GRID2: variants seen among roughly 807,000 people sequenced by gnomAD.
GRID2 encodes glutamate ionotropic receptor delta type subunit 2.
GRID2 carries 33 observed loss-of-function variants against 114.8 expected under a neutral mutation model. The observed-to-expected ratio is 0.29, with a 90% confidence interval of 0.22 to 0.38. The LOEUF (loss-of-function observed/expected upper bound fraction) is 0.38, where lower values mean the gene tolerates loss of function less well. Ranked by LOEUF, GRID2 falls within the 10% of genes least tolerant of loss-of-function variation. The pLI is 1.00. For synonymous variants in GRID2, 505 were observed against 449.9 expected (o/e 1.12, Z -1.55); for missense variants, 1,184 against 1,257.7 (o/e 0.94, Z 0.89).
chr4:93,401,102 G>T (rs1041618810), intron 9 of GRID2, among the ~76,000 whole-genome samples: 3 of 152,196 alleles, frequency 2.0e-5, no homozygotes, highest in South Asian at 2.1e-4. Flanking sequence ...TTACAGGTAT[G>T]AGCCACCGCA....
chr4:92,382,180 G>T (rs1211086344), intron 1 of GRID2, among the ~76,000 whole-genome samples: 2 of 151,396 alleles, frequency 1.3e-5, no homozygotes, highest in Non-Finnish European at 1.5e-5. Flanking sequence ...TGACTGTATT[G>T]AGCCCATAAA....
chr4:93,015,341 A>G (rs1237061968), intron 2 of GRID2, among the ~76,000 whole-genome samples: 1 of 152,166 alleles, frequency 6.6e-6, no homozygotes, highest in African/African-American at 2.4e-5. Context: ...GGAAGCTACT[A>G]TACAGCAAGG....
At chr4:93,307,906 CAAAT>C (rs1755602583) in intron 8 of GRID2, among the ~76,000 whole-genome samples, 1 of 151,028 alleles carries the variant, frequency 6.6e-6, no homozygotes, top group African/African-American at 2.5e-5. Flanking sequence ...TTTACAAACA[CAAAT>C]ACATACCTAT....
intron 2 of GRID2, among the ~76,000 whole-genome samples, chr4:92,713,868 A>T (rs1735401860): frequency 6.6e-6 from 1 of 151,984 alleles, no homozygotes; most frequent in African/African-American, 2.4e-5. Context: ...TGGGAGTTAC[A>T]ATTCAAGATG....
intron 2 of GRID2, among the ~76,000 whole-genome samples, chr4:93,056,488 A>G (rs1727258978): frequency 6.6e-6 from 1 of 151,974 alleles, no homozygotes; most frequent in Non-Finnish European, 1.5e-5. Context: ...TAAATGAAAG[A>G]GTAGCATATC....
At chr4:92,387,199 A>T (rs1459825631) in intron 1 of GRID2, among the ~76,000 whole-genome samples, 1 of 151,960 alleles carries the variant, frequency 6.6e-6, no homozygotes, top group Non-Finnish European at 1.5e-5. Context: ...TTTTAAGAAC[A>T]TCTTAACTCT....
At chr4:93,745,805 A>G (rs1161723869) in intron 14 of GRID2, among the ~76,000 whole-genome samples, 1 of 152,312 alleles carries the variant, frequency 6.6e-6, no homozygotes, top group East Asian at 1.9e-4. Context: ...TAGCTATGGC[A>G]TATTTTATTT....
chr4:93,490,796 C>T lies in GRID2; in HGVS notation c.1997+19C>T, dbSNP rs1373007360. ...CCATCCAGTAAGTAAACAATGTTTC[C>T]ATTAGCCACAAAATATGAGAAATGA... On this transcript the variant is annotated intron_variant, in intron 12 of 15. Coordinates refer to ENST00000282020, the MANE Select transcript of GRID2 (RefSeq NM_001510.4). 2.6e-6 allele frequency: 4 copies of T among 1,565,650 alleles called. No homozygotes were observed. Among genetic ancestry groups the T allele is most frequent in the Non-Finnish European group, 3.5e-6 (4 of 1,139,450 alleles).
At chr4:92,908,605 T>A (rs1259417815) in intron 2 of GRID2, among the ~76,000 whole-genome samples, 12 of 141,716 alleles carry the variant, frequency 8.5e-5, no homozygotes, top group African/African-American at 3.1e-4. Flanking sequence ...ACAAAAAATA[T>A]GAAAAAAAAG....
At chr4:93,690,860 AAT>A (rs1043558945) in intron 14 of GRID2, among the ~76,000 whole-genome samples, 27 of 149,440 alleles carry the variant, frequency 1.8e-4, no homozygotes, top group African/African-American at 5.1e-4. Flanking sequence ...TTTTATATAT[AAT>A]ATGTTATAAC....
At chr4:93,017,388 G>A (rs1365344677) in intron 2 of GRID2, among the ~76,000 whole-genome samples, 1 of 152,084 alleles carries the variant, frequency 6.6e-6, no homozygotes, top group Non-Finnish European at 1.5e-5. Flanking sequence ...CTATATTTAA[G>A]TATGAAATTT....
chr4:92,576,180 G>C (rs1727884762), intron 1 of GRID2, among the ~76,000 whole-genome samples: 1 of 152,214 alleles, frequency 6.6e-6, no homozygotes, highest in Non-Finnish European at 1.5e-5. Flanking sequence ...CCAGCTGGGA[G>C]GTCCCATCCA....
intron 13 of GRID2, among the ~76,000 whole-genome samples, chr4:93,619,616 C>T (rs1229306828): frequency 1.3e-5 from 2 of 152,172 alleles, no homozygotes; most frequent in African/African-American, 4.8e-5. Context: ...TTTTAATTTT[C>T]AAAAGCTCTG....
chr4:93,659,321 T>G (rs1239622687), intron 14 of GRID2, among the ~76,000 whole-genome samples: 1 of 152,202 alleles, frequency 6.6e-6, no homozygotes, highest in Non-Finnish European at 1.5e-5. Context: ...ATGGACCAGA[T>G]GAATACTGCT....
At chr4:93,309,250 T>C (rs1183014061) in intron 8 of GRID2, among the ~76,000 whole-genome samples, 1 of 152,238 alleles carries the variant, frequency 6.6e-6, no homozygotes, top group African/African-American at 2.4e-5. Context: ...AATTAATGAA[T>C]GAGGCAGGGT....
intron 1 of GRID2, among the ~76,000 whole-genome samples, chr4:92,348,984 G>A (rs191341491): frequency 5.7e-4 from 87 of 151,964 alleles, no homozygotes; most frequent in African/African-American, 1.5e-3. Flanking sequence ...AATTGAACAT[G>A]TGGGAAACTA....
rs537699467 is a variant in GRID2, at chr4:92,551,354, G to T, written c.89-38777G>T. Among the ~76,000 whole-genome samples, 134 of 152,230 alleles carry T rather than the reference G, an allele frequency of 8.8e-4. 1 individual carries two copies. The highest frequency in any genetic ancestry group is 3.0e-3 in the African/African-American group (126 of 41,568). ...GTTATTTTAAGAATTGAAACTTAGT[G>T]TGAGAAGTATTATGTGCAAATGTAT... On this transcript the variant is annotated intron_variant, in intron 1 of 15. Transcript: ENST00000282020.
intron 14 of GRID2, among the ~76,000 whole-genome samples, chr4:93,732,152 C>T (rs1165282808): frequency 2.6e-5 from 4 of 152,194 alleles, no homozygotes; most frequent in East Asian, 1.9e-4. Context: ...AGAAAGCTAA[C>T]ATGCATATCA....
chr4:93,293,743 A>G (rs1011385515), intron 8 of GRID2, among the ~76,000 whole-genome samples: 1 of 152,160 alleles, frequency 6.6e-6, no homozygotes, highest in Admixed American at 6.5e-5. Flanking sequence ...ATGTTCTTTT[A>G]TTTGTTCATA....
Sources: gnomAD v4.1 joint callset for allele counts (sites outside exome capture counted in the v4.1 genomes callset) on GRCh38, gnomAD v4.1.1 for gene constraint, MANE v1.5 for transcripts, NCBI Gene and HGNC (gene_info 2026-07-23, HGNC 2026-07-21) for gene names.